LRRC9: variants seen among roughly 807,000 people sequenced by gnomAD.
LRRC9 encodes leucine-rich repeat-containing protein 9.
Under a neutral mutation model 63.2 loss-of-function variants are expected in LRRC9, and 122 were observed. The ratio of observed to expected loss-of-function variants is 1.93; its 90% confidence interval spans 1.67 to 2.24. LRRC9 has a LOEUF of 2.24. Ranked by LOEUF, LRRC9 falls within the 30% of genes most tolerant of loss-of-function variation. LRRC9 has a pLI of 0.00. For synonymous variants in LRRC9, 366 were observed against 213.1 expected (o/e 1.72, Z -6.25); for missense variants, 1,071 against 627.7 (o/e 1.71, Z -7.55).
intron 7 of LRRC9, among the ~76,000 whole-genome samples, chr14:59,939,760 G>T (rs192285967): frequency 6.6e-6 from 1 of 151,998 alleles, no homozygotes; most frequent in Admixed American, 6.6e-5. Context: ...GGAGGTGTAG[G>T]TTTAGGAGGA....
chr14:59,974,772 T>G (rs1318078281), intron 13 of LRRC9, 64 bp downstream of exon 13: 1 of 547,074 alleles, frequency 1.8e-6, no homozygotes, highest in East Asian at 3.1e-5. Flanking sequence ...TTAATTATTT[T>G]TATATCGTTT....
chr14:59,997,550 A>G, intron 17 of LRRC9, 106 bp from the exon 18 acceptor site: 3 of 564,984 alleles, frequency 5.3e-6, no homozygotes, highest in East Asian at 5.7e-5. Flanking sequence ...GTGTCCTGTG[A>G]GGATTACCAG....
chr14:60,024,877 A>T (rs185056930), intron 27 of LRRC9, among the ~76,000 whole-genome samples: 98 of 150,400 alleles, frequency 6.5e-4, no homozygotes, highest in Non-Finnish European at 1.1e-3. Flanking sequence ...CTTACTGTGT[A>T]CTTATTGCTT....
exon 27 of LRRC9, chr14:60,022,737 T>C (rs989534867): frequency 3.1e-6 from 2 of 637,296 alleles, no homozygotes; most frequent in Non-Finnish European, 5.7e-6. Context: ...GTTTCAGAGA[T>C]ATAATGAGCA....
chr14:60,054,273 T>C (rs992784486), intron 30 of LRRC9, among the ~76,000 whole-genome samples: 9 of 152,160 alleles, frequency 5.9e-5, no homozygotes, highest in Non-Finnish European at 4.4e-5. Context: ...TAACTGTATG[T>C]CAGTTCTTGT....
chr14:59,997,907 C>A, intron 18 of LRRC9, 60 bp downstream of exon 18: 1 of 610,294 alleles, frequency 1.6e-6, no homozygotes, highest in Non-Finnish European at 2.9e-6. Context: ...CATTTCCCTA[C>A]TAACTTTACT....
intron 29 of LRRC9, among the ~76,000 whole-genome samples, chr14:60,033,939 G>A (rs904185818): frequency 1.3e-5 from 2 of 149,914 alleles, no homozygotes; most frequent in African/African-American, 2.5e-5. Context: ...AGCTAGTCAC[G>A]TTTGTATTTC....
chr14:59,952,863 G>T (rs1883320968), intron 8 of LRRC9, among the ~76,000 whole-genome samples: 1 of 152,124 alleles, frequency 6.6e-6, no homozygotes, highest in African/African-American at 2.4e-5. Flanking sequence ...CTGTGTCCAA[G>T]TGTTTTCATT....
At chr14:59,997,151 A>T (rs1888883742) in intron 17 of LRRC9, among the ~76,000 whole-genome samples, 1 of 152,044 alleles carries the variant, frequency 6.6e-6, no homozygotes, top group South Asian at 2.1e-4. Context: ...TTTATTTGCT[A>T]TATTTTCCAA....
At chr14:59,970,677 G>C (rs1238942054) in intron 12 of LRRC9, among the ~76,000 whole-genome samples, 2 of 152,128 alleles carry the variant, frequency 1.3e-5, no homozygotes, top group Non-Finnish European at 2.9e-5. Flanking sequence ...TTTCTCTAAT[G>C]ATCAGTGATG....
chr14:60,008,197 T>C, exon 23 of LRRC9: 1 of 700,186 alleles, frequency 1.4e-6, no homozygotes, highest in Non-Finnish European at 2.6e-6. Flanking sequence ...ACTGAAAGCT[T>C]TGGATGGGAT....
At chr14:59,952,270 C>G (rs185012544) in intron 8 of LRRC9, among the ~76,000 whole-genome samples, 1 of 152,176 alleles carries the variant, frequency 6.6e-6, no homozygotes, top group African/African-American at 2.4e-5. Flanking sequence ...TTTCCAGGTG[C>G]GTCCGTCACG....
intron 17 of LRRC9, among the ~76,000 whole-genome samples, chr14:59,989,887 T>C (rs979847296): frequency 1.3e-5 from 2 of 152,286 alleles, no homozygotes; most frequent in African/African-American, 4.8e-5. Context: ...CTGAGATTTT[T>C]TTGGCTCTAT....
intron 31 of LRRC9, 82 bp from the exon 33 acceptor site, chr14:60,063,241 A>G (rs540245645): frequency 2.5e-5 from 17 of 668,408 alleles, no homozygotes; most frequent in South Asian, 1.6e-4. Context: ...GAAATTATTT[A>G]TTGCAGAATT....
intron 29 of LRRC9, among the ~76,000 whole-genome samples, chr14:60,039,307 T>C (rs1892728572): frequency 6.6e-6 from 1 of 152,210 alleles, no homozygotes; most frequent in Non-Finnish European, 1.5e-5. Context: ...TCCCTCTTTT[T>C]CTATTGATTG....
chr14:60,003,728 G>C lies in LRRC9; in HGVS notation c.2772G>C (p.Met924Ile), dbSNP rs771098830. 4 of 695,612 alleles carry C rather than the reference G, an allele frequency of 5.8e-6. No homozygotes were observed. The South Asian group carries it at 6.1e-5, about 11-fold the overall frequency. 43.1% of individuals were successfully genotyped at this position (695,612 alleles called of 1,614,324 possible). A position where few individuals can be genotyped will look rare whatever the true frequency, so the allele number is the denominator to read the frequency against. The change falls in exon 21 of 32, where the codon ATG becomes ATC. Residue 924 changes from methionine to isoleucine, a missense_variant. Physicochemically the swap from Met to Ile is conservative, Grantham distance 10. Transcript: ENST00000445360. The surrounding 1 kb of genome is among the most constrained non-coding windows in gnomAD (Gnocchi z 4.2). ...TCAGCAATAATAATCTCACTAAAAT[G>C]GAGGGTCTGGAATCCTGTATTAACT...
Position 59,949,348 on chromosome 14 carries a change from G to A in LRRC9, c.882+4604G>A, listed in dbSNP as rs568616320. Among the ~76,000 whole-genome samples, 559 of 152,120 alleles carry A rather than the reference G, an allele frequency of 3.7e-3. 3 individuals carry two copies. Among genetic ancestry groups the A allele is most frequent in the Non-Finnish European group, 6.0e-3 (408 of 67,990 alleles). ...TAGTTTGTATTTCTGTGGGATCGGT[G>A]ATGATATCCCCTTTATCATTTTTTA... On this transcript the variant is annotated intron_variant, in intron 8 of 31. Coordinates refer to ENST00000445360, the Ensembl canonical transcript of LRRC9.
chr14:59,928,115 G>T, intron 2 of LRRC9, 124 bp downstream of exon 2: 1 of 573,258 alleles, frequency 1.7e-6, no homozygotes, highest in South Asian at 2.5e-5. Context: ...ACTTTGGGAA[G>T]CAGAGAATAA....
rs1169446044 is a variant in LRRC9 at position 59,981,986 on chromosome 14, C to T, written c.2017C>T (p.Arg673Ter). ...AAAAATGGAGCCCAGAATCAAGGCCCGACCAAAACTGATTAGTTTGGATGA... is the reference window on the plus strand; with the variant it reads ...AAAAATGGAGCCCAGAATCAAGGCCTGACCAAAACTGATTAGTTTGGATGA... Residue 673 changes from arginine (R) to a stop codon, truncating the protein, a stop_gained, in exon 16 of 32, where the codon CGA becomes TGA. Coordinates refer to ENST00000445360, the Ensembl canonical transcript of LRRC9. LOFTEE classifies it high-confidence loss of function. The T allele has an allele frequency of 7.1e-6, 5 of 702,386 alleles. No homozygotes were observed. The highest frequency in any genetic ancestry group is 3.0e-5 in the South Asian group (2 of 67,564). 43.5% of individuals were successfully genotyped at this position (702,386 alleles called of 1,614,324 possible).
Sources: allele counts gnomAD v4.1 joint callset (sites outside exome capture counted in the v4.1 genomes callset), GRCh38; gene constraint gnomAD v4.1.1; non-coding constraint Gnocchi (gnomAD v3.1); transcripts MANE v1.5; gene names NCBI Gene and HGNC (gene_info 2026-07-23, HGNC 2026-07-21).